Variants in PLAGL1 observed in about 807,000 individuals in gnomAD.
The protein encoded by PLAGL1 is PLAG1 like zinc finger 1.
In PLAGL1, 1 loss-of-function variant was observed where a neutral mutation model predicts 4.6. That is an observed-to-expected ratio of 0.22 (90% CI 0.08 to 1.03). The LOEUF is 1.03. Among genes scored for constraint, PLAGL1 ranks in the 50% least tolerant of loss-of-function variants. The pLI is 0.58. For missense variants in PLAGL1, 464 were observed against 570.4 expected, an observed-to-expected ratio of 0.81 and a Z score of 1.90; for synonymous variants, 240 against 237.8, an observed-to-expected ratio of 1.01 and a Z score of -0.08.
intron 1 of PLAGL1, among the ~76,000 whole-genome samples, chr6:144,001,111 TG>T (rs1403952309): frequency 6.6e-6 from 1 of 151,632 alleles, no homozygotes; most frequent in Non-Finnish European, 1.5e-5. Flanking sequence ...ATTCTAAGGT[TG>T]GGGAAGGGAA....
chr6:143,948,262 A>C lies in PLAGL1; in HGVS notation c.-126T>G, dbSNP rs1780244029. On this transcript the variant is annotated 5_prime_UTR_variant, in exon 7 of 8. Coordinates refer to ENST00000674357, the MANE Select transcript of PLAGL1 (RefSeq NM_001317162.2). This position sits in a 1 kb window ranked among gnomAD's most constrained non-coding sequence, Gnocchi z 6.0. The stretch of plus-strand genomic sequence containing the variant: ...CTGCAGCTGAACTCCAGACCACGGG[A>C]GAGGCAGCATCGTGGGCCTGGTTCT... 1.4e-5 allele frequency: 11 copies of C among 800,842 alleles called. No individual in the cohort carries two copies. Among genetic ancestry groups the C allele is most frequent in the Non-Finnish European group, 2.2e-5 (11 of 489,732 alleles). 49.6% of individuals were successfully genotyped at this position (800,842 alleles called of 1,614,324 possible).
chr6:143,956,703 T>A (rs945395334), intron 6 of PLAGL1, among the ~76,000 whole-genome samples: 1 of 152,280 alleles, frequency 6.6e-6, no homozygotes, highest in African/African-American at 2.4e-5. Context: ...TACATGGAGA[T>A]GGAGTGAGGT....
chr6:144,007,493 A>T (rs759023237), intron 1 of PLAGL1: 2 of 152,206 alleles, frequency 1.3e-5, no homozygotes, highest in Non-Finnish European at 2.9e-5. Flanking sequence ...AAATATTCAA[A>T]ATTACAGGAG....
chr6:144,036,369 G>A lies in PLAGL1; in HGVS notation c.-151+28099C>T, dbSNP rs1444413430. 6.6e-6 allele frequency among the ~76,000 whole-genome samples: 1 copy of A among 152,194 alleles called. No individual in the cohort carries two copies. Among genetic ancestry groups the A allele is most frequent in the Non-Finnish European group, 1.5e-5 (1 of 68,030 alleles). The stretch of plus-strand genomic sequence containing the variant: ...AGTGGTGCAAGTGTGCAATGCTTCA[G>A]TCTTAGTGACTGAAGACAGCCAGCC... On this transcript the variant is annotated intron_variant, in intron 1 of 3. Transcript: ENST00000437412. This position sits in a 1 kb window ranked among gnomAD's most constrained non-coding sequence, Gnocchi z 5.1.
At chr6:144,032,718 C>A (rs1435753091) in intron 1 of PLAGL1, among the ~76,000 whole-genome samples, 1 of 152,014 alleles carries the variant, frequency 6.6e-6, no homozygotes, top group Non-Finnish European at 1.5e-5. Context: ...TATGCCAACA[C>A]GCCTGGCTAA....
intron 1 of PLAGL1, among the ~76,000 whole-genome samples, chr6:144,029,012 T>C (rs986844030): frequency 6.6e-6 from 1 of 152,206 alleles, no homozygotes; most frequent in South Asian, 2.1e-4. Flanking sequence ...ACAAACATAA[T>C]CCCATGACCT....
At chr6:144,058,185 T>C (rs1194858266) in intron 1 of PLAGL1, among the ~76,000 whole-genome samples, 1 of 152,200 alleles carries the variant, frequency 6.6e-6, no homozygotes, top group African/African-American at 2.4e-5. Context: ...CTCTTACTCA[T>C]GGCAGAAGGT....
At chr6:144,001,054 T>C (rs944276654) in intron 1 of PLAGL1, among the ~76,000 whole-genome samples, 3 of 151,990 alleles carry the variant, frequency 2.0e-5, no homozygotes, top group African/African-American at 7.2e-5. Context: ...TGGTTTCTAA[T>C]ACCATCCTCC....
intron 2 of PLAGL1, among the ~76,000 whole-genome samples, chr6:143,976,729 C>G (rs562688786): frequency 2.6e-5 from 4 of 152,156 alleles, no homozygotes; most frequent in African/African-American, 9.7e-5. Context: ...TCCTAAGAGC[C>G]GGGTTCCTTT....
chr6:143,976,238 G>A (rs915564098), intron 2 of PLAGL1, among the ~76,000 whole-genome samples: 1 of 147,136 alleles, frequency 6.8e-6, no homozygotes, highest in Non-Finnish European at 1.5e-5. Flanking sequence ...TAGTACAGAC[G>A]TACTTCTGGA....
intron 1 of PLAGL1, among the ~76,000 whole-genome samples, chr6:144,028,781 T>C (rs1169156521): frequency 6.6e-6 from 1 of 152,258 alleles, no homozygotes; most frequent in Non-Finnish European, 1.5e-5. Flanking sequence ...ATGCTTGTTA[T>C]CTACGTGCTG....
At position 143,943,031 on chromosome 6, in the gene PLAGL1, A is replaced by ATTTTT. The variant is rs61216054; in HGVS notation, c.153-373_153-369dup. On this transcript the variant is annotated intron_variant, in intron 7 of 7. Coordinates refer to ENST00000674357, the MANE Select transcript of PLAGL1 (RefSeq NM_001317162.2). ...AGGCACACACCACCAGGCCTGGCTA[A>ATTTTT]TTTTTTTTTTTTTTTTTTTGAGACA... Among the ~76,000 whole-genome samples the ATTTTT allele has an allele frequency of 2.9e-3, 188 of 64,638 alleles. 10 individuals are homozygous for ATTTTT. Among genetic ancestry groups the ATTTTT allele is most frequent in the African/African-American group, 8.9e-3 (170 of 19,110 alleles). 42.4% of individuals were successfully genotyped at this position (64,638 alleles called of 152,430 possible).
intron 1 of PLAGL1, chr6:144,007,541 G>C (rs1794513533): frequency 6.6e-6 from 1 of 152,216 alleles, no homozygotes; most frequent in Admixed American, 6.5e-5. Context: ...ATTCCGCCCT[G>C]AAAGTTGGAT....
chr6:143,952,374 C>T lies in PLAGL1; in HGVS notation c.-324-3914G>A, dbSNP rs930442030. 6.6e-6 allele frequency among the ~76,000 whole-genome samples: 1 copy of T among 152,164 alleles called. No individual in the cohort carries two copies. The highest frequency in any genetic ancestry group is 1.5e-5 in the Non-Finnish European group (1 of 68,038). ...AGAAATTGCATTTGAGTCTTAAATA[C>T]GGTGCTATTTCAACACCTGTCACCC... On this transcript the variant is annotated intron_variant, in intron 6 of 7. Coordinates refer to ENST00000674357, the MANE Select transcript of PLAGL1 (RefSeq NM_001317162.2). This position sits in a 1 kb window ranked among gnomAD's most constrained non-coding sequence, Gnocchi z 6.1.
intron 1 of PLAGL1, among the ~76,000 whole-genome samples, chr6:144,062,490 A>C (rs1017272737): frequency 6.6e-6 from 1 of 151,334 alleles, no homozygotes; most frequent in Non-Finnish European, 1.5e-5. Context: ...AAAAAAAAAA[A>C]AAAAACACAG....
Position 143,997,725 on chromosome 6 carries a change from A to G in PLAGL1, c.-584+10365T>C, listed in dbSNP as rs1402653692. Among the ~76,000 whole-genome samples the G allele has an allele frequency of 6.7e-6, 1 of 150,210 alleles. No individual in the cohort carries two copies. Among genetic ancestry groups the G allele is most frequent in the Admixed American group, 6.6e-5 (1 of 15,066 alleles). ...TGGCGGGGAAGGAATAGATAAAACT[A>G]ATCTACAGTGATGGACATCAGAAGA... On this transcript the variant is annotated intron_variant, in intron 1 of 7. Transcript: ENST00000674357. The surrounding 1 kb of genome is among the most constrained non-coding windows in gnomAD (Gnocchi z 4.6).
At chr6:143,993,350 AC>A (rs1427704268) in intron 1 of PLAGL1, among the ~76,000 whole-genome samples, 1 of 151,844 alleles carries the variant, frequency 6.6e-6, no homozygotes, top group East Asian at 1.9e-4. Context: ...ACACACACAC[AC>A]ACACACACAC....
rs1467756889 is a variant in PLAGL1 at position 143,948,796 on chromosome 6, A to AACAACCG, written c.-324-337_-324-336insCGGTTGT. Among the ~76,000 whole-genome samples, 2 of 151,470 alleles carry AACAACCG rather than the reference A, an allele frequency of 1.3e-5. No individual in the cohort carries two copies. Among genetic ancestry groups the AACAACCG allele is most frequent in the African/African-American group, 4.9e-5 (2 of 41,150 alleles). Reference sequence around the variant, plus strand: ...AACAACAACAACAACAACAACAAACAAAAACCTCCCTCCCTCAGTGTGTTC... The same window carrying AACAACCG: ...AACAACAACAACAACAACAACAAACAACAACCGAAAACCTCCCTCCCTCAGTGTGTTC... On this transcript the variant is annotated intron_variant, in intron 6 of 7. Transcript: ENST00000674357. This position sits in a 1 kb window ranked among gnomAD's most constrained non-coding sequence, Gnocchi z 6.0.
At chr6:144,043,584 T>C (rs551677138) in intron 1 of PLAGL1, among the ~76,000 whole-genome samples, 43 of 152,368 alleles carry the variant, frequency 2.8e-4, no homozygotes, top group African/African-American at 1.0e-3. Context: ...TGCCAGTATT[T>C]TATTGAGGAT....
Sources: gnomAD v4.1 joint callset for allele counts (sites outside exome capture counted in the v4.1 genomes callset) on GRCh38, gnomAD v4.1.1 for gene constraint, Gnocchi (gnomAD v3.1) non-coding constraint, MANE v1.5 for transcripts, NCBI Gene and HGNC (gene_info 2026-07-23, HGNC 2026-07-21) for gene names.